Variants in NCOA7 observed in about 807,000 individuals in gnomAD.
The protein encoded by NCOA7 is nuclear receptor coactivator 7, also known as 140 kDa estrogen receptor-associated protein.
In NCOA7, 45 loss-of-function variants were observed where a neutral mutation model predicts 104.3. The ratio of observed to expected loss-of-function variants is 0.43; its 90% CI spans 0.34 to 0.55. NCOA7 has a LOEUF of 0.55. Among genes scored for constraint, NCOA7 ranks in the 20% least tolerant of loss-of-function variants. The pLI is 0.02. For missense variants in NCOA7, 1,041 were observed against 1,119.7 expected, an observed-to-expected ratio of 0.93 and a Z score of 1.00; for synonymous variants, 398 against 402.3, an observed-to-expected ratio of 0.99 and a Z score of 0.13.
chr6:125,790,234 C>G (rs1348495184), upstream of NCOA7, among the ~76,000 whole-genome samples: 1 of 152,258 alleles, frequency 6.6e-6, no homozygotes, highest in Non-Finnish European at 1.5e-5. Flanking sequence ...GCCATCGGTC[C>G]TGAGCTGGAA....
intron 10 of NCOA7, among the ~76,000 whole-genome samples, chr6:125,901,037 A>T (rs2128671074): frequency 6.6e-6 from 1 of 152,324 alleles, no homozygotes; most frequent in South Asian, 2.1e-4. Context: ...TTCAGAATGG[A>T]ACCCCCAGAA....
At chr6:125,839,680 G>A (rs916212483) in intron 2 of NCOA7, among the ~76,000 whole-genome samples, 1 of 152,074 alleles carries the variant, frequency 6.6e-6, no homozygotes, top group Non-Finnish European at 1.5e-5. Context: ...ACCAAATACA[G>A]TAATGTTCCA....
chr6:125,816,933 T>A (rs74717024), intron 2 of NCOA7, among the ~76,000 whole-genome samples: 2,234 of 152,320 alleles, frequency 0.015, 28 homozygotes, highest in African/African-American at 0.032. Context: ...TACTCACTCC[T>A]TCCATCTGCC....
At chr6:125,829,573 A>G (rs1778969028) in intron 2 of NCOA7, among the ~76,000 whole-genome samples, 1 of 152,218 alleles carries the variant, frequency 6.6e-6, no homozygotes, top group Admixed American at 6.5e-5. Context: ...GGAAGCCACT[A>G]GCAAAGATGT....
intron 2 of NCOA7, among the ~76,000 whole-genome samples, chr6:125,839,482 G>A (rs1395679435): frequency 6.6e-6 from 1 of 151,464 alleles, no homozygotes; most frequent in Non-Finnish European, 1.5e-5. Flanking sequence ...CTGTCGGGTG[G>A]GGCTGAAAGT....
At chr6:125,876,249 C>G (rs1450576954) in intron 4 of NCOA7, among the ~76,000 whole-genome samples, 2 of 152,308 alleles carry the variant, frequency 1.3e-5, no homozygotes, top group East Asian at 3.9e-4. Context: ...TTGAAGATCT[C>G]TGTCACAGGC....
chr6:125,908,369 A>G (rs1034595499), intron 10 of NCOA7, among the ~76,000 whole-genome samples: 9 of 152,208 alleles, frequency 5.9e-5, no homozygotes, highest in African/African-American at 1.4e-4. Flanking sequence ...TTTCAGAATC[A>G]GTAGCACACC....
intron 8 of NCOA7, among the ~76,000 whole-genome samples, chr6:125,888,431 C>T (rs1342584036): frequency 3.9e-5 from 6 of 152,152 alleles, no homozygotes; most frequent in Non-Finnish European, 7.3e-5. Flanking sequence ...GGTTCAAGGT[C>T]AGTGACTTTA....
chr6:125,914,330 T>C (rs560159667), intron 10 of NCOA7, among the ~76,000 whole-genome samples: 4 of 152,334 alleles, frequency 2.6e-5, no homozygotes, highest in African/African-American at 7.2e-5. Flanking sequence ...ACAACAGTTA[T>C]GGCTTGGCTC....
In NCOA7 at chr6:125,889,793, A is replaced by G. The variant is rs200286641; in HGVS notation, c.1739A>G (p.Lys580Arg). The G allele has an allele frequency of 5.6e-5, 91 of 1,612,336 alleles. 1 individual carries two copies. Among genetic ancestry groups the G allele is most frequent in the Non-Finnish European group, 1.9e-5 (22 of 1,179,506 alleles). Residue 580 changes from lysine (K) to arginine (R), a missense_variant, in exon 9 of 16, where the codon AAG becomes AGG. Lys to Arg is a conservative substitution (Grantham distance 26). Transcript: ENST00000392477. ...ACTGAGGGCAATAAAGAGCCAGATA[A>G]GACCTGGGTGAAAAAGGGAGAGCCC... ...PITEGNKEPD[K>R]TWVKKGEPLP...
chr6:125,876,809 C>T (rs1478651669), intron 4 of NCOA7, among the ~76,000 whole-genome samples: 1 of 152,048 alleles, frequency 6.6e-6, no homozygotes. Flanking sequence ...ATTGCTTTTA[C>T]TACTCCTGAG....
At chr6:125,827,064 G>T (rs1361705263) in intron 2 of NCOA7, among the ~76,000 whole-genome samples, 1 of 151,950 alleles carries the variant, frequency 6.6e-6, no homozygotes, top group Non-Finnish European at 1.5e-5. Context: ...GGGCGTAGTG[G>T]CGCACACCTG....
chr6:125,923,739 C>T (rs569646707), intron 13 of NCOA7, among the ~76,000 whole-genome samples: 1 of 152,308 alleles, frequency 6.6e-6, no homozygotes, highest in African/African-American at 2.4e-5. Context: ...AGGCGCTAGG[C>T]ACTGTTAAGC....
chr6:125,883,680 C>G (rs1784028073), intron 7 of NCOA7, among the ~76,000 whole-genome samples: 1 of 151,712 alleles, frequency 6.6e-6, no homozygotes, highest in African/African-American at 2.4e-5. Flanking sequence ...AACATCTCCC[C>G]CATCCTTCTC....
intron 8 of NCOA7, 87 bp downstream of exon 8, chr6:125,885,430 G>A: frequency 1.5e-6 from 2 of 1,341,978 alleles, no homozygotes; most frequent in Non-Finnish European, 2.1e-6. Flanking sequence ...CATGATTGAG[G>A]GATTGTGTAG....
At chr6:125,824,918 C>T (rs141145375) in intron 2 of NCOA7, among the ~76,000 whole-genome samples, 1 of 152,098 alleles carries the variant, frequency 6.6e-6, no homozygotes, top group Non-Finnish European at 1.5e-5. Context: ...GCCACCACAC[C>T]CAGCTAATTT....
intron 11 of NCOA7, chr6:125,919,494 G>A (rs1223999422): frequency 1.7e-5 from 25 of 1,502,802 alleles, no homozygotes; most frequent in Admixed American, 6.9e-5. Flanking sequence ...ATGTACCTCC[G>A]AGTTTCTTTT....
At chr6:125,846,688 T>C (rs1291320255) in intron 2 of NCOA7, among the ~76,000 whole-genome samples, 1 of 152,242 alleles carries the variant, frequency 6.6e-6, no homozygotes, top group East Asian at 1.9e-4. Context: ...CGTTTACATA[T>C]ATGCCATAGC....
chr6:125,809,102 A>C (rs1427385644), intron 1 of NCOA7, among the ~76,000 whole-genome samples: 1 of 151,834 alleles, frequency 6.6e-6, no homozygotes, highest in Non-Finnish European at 1.5e-5. Context: ...TGAATCATTC[A>C]TTTTTGTTTT....
Sources: gnomAD v4.1 joint callset for allele counts (sites outside exome capture counted in the v4.1 genomes callset) on GRCh38, gnomAD v4.1.1 for gene constraint, MANE v1.5 for transcripts, NCBI Gene and HGNC (gene_info 2026-07-23, HGNC 2026-07-21) for gene names.